Variants in C10orf53 observed in about 807,000 individuals in gnomAD.
The protein encoded by C10orf53 is UPF0728 protein C10orf53.
Under a neutral mutation model 9.4 loss-of-function variants are expected in C10orf53, and 8 were observed. The ratio of observed to expected loss-of-function variants is 0.85; its 90% CI spans 0.50 to 1.53. The LOEUF (loss-of-function observed/expected upper bound fraction) is 1.53, where lower values mean the gene tolerates loss of function less well. C10orf53 is among the 40% of genes most tolerant of loss of function. The pLI is 0.00. For missense variants in C10orf53, 117 were observed against 117.8 expected (o/e 0.99, Z 0.03); for synonymous variants, 48 against 46.0 (o/e 1.04, Z -0.18).
chr10:49,680,879 G>T (rs1392244250), intron 1 of C10orf53, among the ~76,000 whole-genome samples: 1 of 152,202 alleles, frequency 6.6e-6, no homozygotes, highest in Non-Finnish European at 1.5e-5. Context: ...TAAAATCAAA[G>T]ACACCAAAGA....
Position 49,697,226 on chromosome 10 carries a change from ACCTGTCTATGG to A in C10orf53, c.*2628_*2638del, listed in dbSNP as rs1840643751. Among the ~76,000 whole-genome samples, 1 of 152,164 alleles carries A rather than the reference ACCTGTCTATGG, an allele frequency of 6.6e-6. No homozygotes were observed. The highest frequency in any genetic ancestry group is 2.4e-5 in the African/African-American group (1 of 41,434). On this transcript the variant is annotated 3_prime_UTR_variant, in exon 3 of 3. Coordinates refer to ENST00000374111, the MANE Select transcript of C10orf53 (RefSeq NM_001042427.3). ...AAATAAAGATTTTGACATAGAAGCC[ACCTGTCTATGG>A]CCTTATCCTCCTCTGTCACTGATTA... is the stretch of plus-strand genomic sequence containing the variant.
At chr10:49,699,449 C>A (rs1045246097), downstream of C10orf53, among the ~76,000 whole-genome samples, 11 of 151,958 alleles carry the variant, frequency 7.2e-5, no homozygotes, top group African/African-American at 2.7e-4. Flanking sequence ...CCTGCCTTAG[C>A]CTCCCAAAGT....
chr10:49,705,057 A>C (rs1840713453), intron 2 of C10orf53, among the ~76,000 whole-genome samples: 1 of 152,242 alleles, frequency 6.6e-6, no homozygotes, highest in African/African-American at 2.4e-5. Flanking sequence ...AACCTGGTTC[A>C]TTCATTCAAT....
intron 2 of C10orf53, among the ~76,000 whole-genome samples, chr10:49,703,112 C>T (rs1482899481): frequency 6.6e-6 from 1 of 152,180 alleles, no homozygotes; most frequent in Non-Finnish European, 1.5e-5. Flanking sequence ...AGACTAGAGT[C>T]AAGCTCAACA....
rs1439394793 is a variant in C10orf53 at position 49,697,077 on chromosome 10, C to T, written c.*2475C>T. 6.6e-6 allele frequency among the ~76,000 whole-genome samples: 1 copy of T among 152,138 alleles called. No individual in the cohort carries two copies. The highest frequency in any genetic ancestry group is 2.4e-5 in the African/African-American group (1 of 41,436). ...GCCTGGTGGCATGCACCTGTAGTCC[C>T]AGCTACTTGAGGGGCTGAGGCAGGA... On this transcript the variant is annotated 3_prime_UTR_variant, in exon 3 of 3. Transcript: ENST00000374111.
chr10:49,701,975 G>A (rs923733607), downstream of C10orf53, among the ~76,000 whole-genome samples: 1 of 152,178 alleles, frequency 6.6e-6, no homozygotes, highest in African/African-American at 2.4e-5. Flanking sequence ...GCCGAGGTGG[G>A]TGGATCACTT....
In C10orf53 at chr10:49,708,556, G is replaced by A. The variant is rs1840739446; in HGVS notation, c.413G>A (p.Trp138Ter). The change falls in exon 3 of 3, where the codon TGG becomes TAG. Residue 138 changes from tryptophan (W) to a stop codon, truncating the protein, a stop_gained. Transcript: ENST00000374112. LOFTEE classifies it high-confidence loss of function. ...CAAACCAATCTTTGTGACCTGGGTT[G>A]GCCAGGCCTGGATCACATGCTCATT... is the stretch of plus-strand genomic sequence containing the variant. 1.9e-6 allele frequency: 3 copies of A among 1,614,176 alleles called. No individual in the cohort carries two copies. Among genetic ancestry groups the A allele is most frequent in the Non-Finnish European group, 2.5e-6 (3 of 1,180,034 alleles).
chr10:49,680,169 C>A (rs1590636737), intron 1 of C10orf53, among the ~76,000 whole-genome samples: 1 of 152,336 alleles, frequency 6.6e-6, no homozygotes, highest in East Asian at 1.9e-4. Flanking sequence ...ATGCAGCAGA[C>A]TTTTATTAAG....
downstream of C10orf53, among the ~76,000 whole-genome samples, chr10:49,701,654 A>G (rs1190428056): frequency 6.6e-6 from 1 of 152,106 alleles, no homozygotes; most frequent in Admixed American, 6.5e-5. Flanking sequence ...TCTGGTTGAC[A>G]AACTCTTGCT....
intron 2 of C10orf53, among the ~76,000 whole-genome samples, chr10:49,704,702 C>CCACTG (rs1840710401): frequency 6.6e-6 from 1 of 152,152 alleles, no homozygotes; most frequent in Non-Finnish European, 1.5e-5. Context: ...CGAGATTGCA[C>CCACTG]CACTGCACTC....
rs867002859 is a variant in C10orf53, at chr10:49,681,749, G to A, written c.97+1955G>A. ...CACCTGGTGGGATTATATGGGGAGA[G>A]CGGGGAGCAAGCTCACTGGTGTCTC... On this transcript the variant is annotated intron_variant, in intron 1 of 2. Coordinates refer to ENST00000374111, the MANE Select transcript of C10orf53 (RefSeq NM_001042427.3). Among the ~76,000 whole-genome samples, 4 of 152,290 alleles carry A rather than the reference G, an allele frequency of 2.6e-5. 1 individual carries two copies. Among genetic ancestry groups the A allele is most frequent in the East Asian group, 3.9e-4 (2 of 5,184 alleles).
At chr10:49,708,213 T>C (rs1387510239) in intron 2 of C10orf53, 23 of 1,264,926 alleles carry the variant, frequency 1.8e-5, no homozygotes, top group Middle Eastern at 2.8e-4. Context: ...CCAGCTGCAA[T>C]TGGCTTAAGA....
chr10:49,687,088 T>C (rs1208387643), intron 1 of C10orf53, among the ~76,000 whole-genome samples: 1 of 152,246 alleles, frequency 6.6e-6, no homozygotes, highest in East Asian at 1.9e-4. Context: ...GACCTTTGAC[T>C]GTTTTCCAGA....
chr10:49,688,336 C>T (rs536979526), intron 1 of C10orf53, among the ~76,000 whole-genome samples: 32 of 152,248 alleles, frequency 2.1e-4, no homozygotes, highest in East Asian at 7.7e-4. Flanking sequence ...CCTCAAAGTA[C>T]GCCCAGAATT....
intron 1 of C10orf53, among the ~76,000 whole-genome samples, chr10:49,688,917 C>T (rs1242353770): frequency 6.6e-6 from 1 of 152,178 alleles, no homozygotes; most frequent in Non-Finnish European, 1.5e-5. Flanking sequence ...CTTATTTCTT[C>T]TTCTTGCTCG....
exon 3 of C10orf53, chr10:49,708,910 CTGCCCTTTTCTCAACAA>C: frequency 2.5e-6 from 1 of 393,376 alleles, no homozygotes; most frequent in African/African-American, 2.0e-5. Context: ...GTGAACTGAT[CTGCCCTTTTCTCAACAA>C]TGCCAGTGCT....
chr10:49,708,824 T>A (rs971676581), exon 3 of C10orf53: 1 of 683,858 alleles, frequency 1.5e-6, no homozygotes. Context: ...ACAACTGTAT[T>A]CCCGTGTTGA....
chr10:49,697,091 G>A lies in C10orf53; in HGVS notation c.*2489G>A, dbSNP rs1327110581. ...ACCTGTAGTCCCAGCTACTTGAGGG[G>A]CTGAGGCAGGAGGATCACCTGAGCC... On this transcript the variant is annotated 3_prime_UTR_variant, in exon 3 of 3. Coordinates refer to ENST00000374111, the MANE Select transcript of C10orf53 (RefSeq NM_001042427.3). 3.9e-5 allele frequency among the ~76,000 whole-genome samples: 6 copies of A among 152,136 alleles called. No individual in the cohort carries two copies. Among genetic ancestry groups the A allele is most frequent in the Non-Finnish European group, 7.4e-5 (5 of 68,010 alleles).
At chr10:49,691,254 A>G (rs1290660037) in intron 1 of C10orf53, among the ~76,000 whole-genome samples, 1 of 152,184 alleles carries the variant, frequency 6.6e-6, no homozygotes, top group Non-Finnish European at 1.5e-5. Context: ...GCCACCTTAG[A>G]GCCAAGCCAG....
Sources: gnomAD v4.1 joint callset for allele counts (sites outside exome capture counted in the v4.1 genomes callset) on GRCh38, gnomAD v4.1.1 for gene constraint, MANE v1.5 for transcripts, NCBI Gene and HGNC (gene_info 2026-07-23, HGNC 2026-07-21) for gene names.